TICRR: variants seen among roughly 807,000 people sequenced by gnomAD.
TICRR encodes TOPBP1 interacting checkpoint and replication regulator, also known as treslin.
A neutral mutation model predicts 178.1 loss-of-function variants in TICRR; 132 were observed. The ratio of observed to expected loss-of-function variants is 0.74; its 90% CI spans 0.64 to 0.86. The LOEUF (loss-of-function observed/expected upper bound fraction) is 0.86, where lower values mean the gene tolerates loss of function less well. Ranked by LOEUF, TICRR falls within the 40% of genes least tolerant of loss-of-function variation. TICRR has a pLI of 0.00. For missense variants in TICRR, 2,587 were observed against 2,334.3 expected (o/e 1.11, Z -2.23); for synonymous variants, 991 against 900.7 (o/e 1.10, Z -1.79).
chr15:89,610,464 T>G (rs62023135), intron 15 of TICRR, among the ~76,000 whole-genome samples: 15 of 152,222 alleles, frequency 9.9e-5, no homozygotes, highest in Non-Finnish European at 1.8e-4. Context: ...TAATGTACTT[T>G]GTGTTTTGTA....
At chr15:89,611,612 T>C (rs985998653) in intron 15 of TICRR, among the ~76,000 whole-genome samples, 3 of 152,184 alleles carry the variant, frequency 2.0e-5, no homozygotes, top group Admixed American at 6.5e-5. Context: ...CCATGATATA[T>C]GTGTTGGTAC....
intron 1 of TICRR, among the ~76,000 whole-genome samples, chr15:89,580,613 G>T (rs1054497380): frequency 6.6e-6 from 1 of 152,184 alleles, no homozygotes; most frequent in Non-Finnish European, 1.5e-5. Flanking sequence ...AAGATAATGT[G>T]CTCCAATACA....
Position 89,625,267 on chromosome 15 carries a change from C to T in TICRR, c.4957C>T (p.Pro1653Ser), listed in dbSNP as rs1444484716. The T allele has an allele frequency of 5.6e-6, 9 of 1,613,506 alleles. No homozygotes were observed. Among genetic ancestry groups the T allele is most frequent in the Non-Finnish European group, 7.6e-6 (9 of 1,179,592 alleles). Residue 1653 changes from proline (P) to serine (S), a missense_variant, in exon 20 of 22, where the codon CCT (proline) becomes TCT (serine). Transcript: ENST00000268138. The part of the protein sequence containing the change: ...ICQACTPTHG[P>S]SSTPSPFQTD... ...CCAGGCCTGTACCCCCACCCACGGC[C>T]CTTCTAGTACCCCCTCTCCATTTCA...
intron 17 of TICRR, among the ~76,000 whole-genome samples, 162 bp from the exon 18 acceptor site, chr15:89,619,544 CTT>C (rs1241754004): frequency 6.6e-6 from 1 of 152,102 alleles, no homozygotes; most frequent in Non-Finnish European, 1.5e-5. Context: ...TCAAACCCCT[CTT>C]AGTTTGTTAA....
intron 14 of TICRR, among the ~76,000 whole-genome samples, chr15:89,608,136 T>C (rs1419260552): frequency 3.3e-5 from 5 of 152,188 alleles, no homozygotes. Flanking sequence ...CATCTTACAT[T>C]GAGTAGCTTC....
intron 7 of TICRR, among the ~76,000 whole-genome samples, chr15:89,598,383 A>G (rs575436076): frequency 1.4e-5 from 2 of 143,028 alleles, no homozygotes; most frequent in Non-Finnish European, 3.1e-5. Context: ...TTGTTTTGAG[A>G]CGGAGTTTCA....
chr15:89,601,952 G>A lies in TICRR; in HGVS notation c.2543G>A (p.Arg848His), dbSNP rs201017259. The change falls in exon 12 of 22, where the codon CGT becomes CAT. Residue 848 changes from arginine (R) to histidine (H), a missense_variant. Transcript: ENST00000268138. ...GAATCTGATGAACTGCAGGAACTTC[G>A]TACCAGATCAGCCAAGAAGAGAAGG... ...SPESDELQEL[R>H]TRSAKKRRKN... is the part of the protein sequence containing the mutation. The A allele has an allele frequency of 5.4e-5, 87 of 1,614,116 alleles. No homozygotes were observed. The East Asian group carries it at 1.0e-3, about 19-fold the overall frequency.
At chr15:89,606,939 G>A in intron 14 of TICRR, 114 bp downstream of exon 14, 1 of 798,370 alleles carries the variant, frequency 1.3e-6, no homozygotes, top group Non-Finnish European at 2.0e-6. Flanking sequence ...ATGATTGTTG[G>A]CTAATAAAAT....
At chr15:89,626,805 A>C in intron 21 of TICRR, 151 bp from the exon 22 acceptor site, 12 of 795,238 alleles carry the variant, frequency 1.5e-5, no homozygotes, top group Non-Finnish European at 2.2e-5. Flanking sequence ...TAAAAAGTGT[A>C]GGTACCATTT....
chr15:89,603,153 A>C (rs1411573303), intron 13 of TICRR, among the ~76,000 whole-genome samples: 1 of 152,208 alleles, frequency 6.6e-6, no homozygotes, highest in African/African-American at 2.4e-5. Flanking sequence ...AAAATCTTTA[A>C]TGTAGATAGG....
chr15:89,594,478 T>C lies in TICRR; in HGVS notation c.1605T>C (p.His535=). 1 of 1,612,774 alleles carries C rather than the reference T, an allele frequency of 6.2e-7. No homozygotes were observed. Among genetic ancestry groups the C allele is most frequent in the Non-Finnish European group, 8.5e-7 (1 of 1,179,464 alleles). ...ESSKTEGELI[H]CLAELYQRKS... ...CCAAAACTGAAGGCGAATTAATACA[T>C]TGCCTTGCCGAGCTCTACCAGAGAA... The change falls in exon 6 of 22, where the codon CAT becomes CAC. Residue 535 remains histidine (H), a synonymous_variant. Transcript: ENST00000268138.
intron 15 of TICRR, among the ~76,000 whole-genome samples, chr15:89,609,263 A>G (rs553728825): frequency 1.3e-5 from 2 of 151,294 alleles, no homozygotes; most frequent in African/African-American, 4.9e-5. Context: ...GATGTACACT[A>G]CCACACCCAG....
At chr15:89,583,061 C>A in intron 2 of TICRR, 96 bp downstream of exon 2, 1 of 1,278,384 alleles carries the variant, frequency 7.8e-7, no homozygotes, top group Non-Finnish European at 1.1e-6. Context: ...TTTCTCACAG[C>A]CCAGGCACTC....
rs767255970 is a variant in TICRR, at chr15:89,624,382, C to G, written c.4072C>G (p.Pro1358Ala). Residue 1358 changes from proline (P) to alanine (A), a missense_variant, in exon 20 of 22, where the codon CCC (proline) becomes GCC (alanine). Coordinates refer to ENST00000268138, the MANE Select transcript of TICRR (RefSeq NM_152259.4). ...SVAASLSCPVPSTPPELSQRA... is the reference protein window; with the variant it reads ...SVAASLSCPVASTPPELSQRA... ...AGCTGCATCTCTCTCCTGCCCTGTTCCCTCAACTCCCCCTGAACTCTCACA... is the reference window on the plus strand; with the variant it reads ...AGCTGCATCTCTCTCCTGCCCTGTTGCCTCAACTCCCCCTGAACTCTCACA... 3 of 1,614,112 alleles carry G rather than the reference C, an allele frequency of 1.9e-6. No individual in the cohort carries two copies. The highest frequency in any genetic ancestry group is 2.5e-6 in the Non-Finnish European group (3 of 1,179,988).
chr15:89,616,335 C>A, intron 15 of TICRR, 70 bp from the exon 16 acceptor site: 1 of 1,340,324 alleles, frequency 7.5e-7, no homozygotes, highest in Non-Finnish European at 1.1e-6. Flanking sequence ...CAAACTGCTC[C>A]CTTGGCCTTA....
At position 89,584,461 on chromosome 15, in the gene TICRR, C is replaced by G; in HGVS notation, c.1110C>G (p.Ser370Arg). Residue 370 changes from serine (S) to arginine (R), a missense_variant, in exon 3 of 22, where the codon AGC (serine) becomes AGG (arginine). Physicochemically the swap from Ser to Arg is moderately radical, Grantham distance 110. Coordinates refer to ENST00000268138, the MANE Select transcript of TICRR (RefSeq NM_152259.4). ...DSWMLGSPEE[S>R]TATQRLLFQQ... ...GGATGCTAGGAAGTCCAGAGGAGAG[C>G]ACAGCAACTCAAAGGCTGTTATTTC... The G allele has an allele frequency of 6.2e-7, 1 of 1,610,688 alleles. No individual in the cohort carries two copies. Among genetic ancestry groups the G allele is most frequent in the Non-Finnish European group, 8.5e-7 (1 of 1,178,262 alleles).
chr15:89,595,490 G>A lies in TICRR; in HGVS notation c.1779G>A (p.Lys593=), dbSNP rs1962982449. ...CAAGGCTGAATGTGAAGGCCCAGAA[G>A]TTACATCCAGATGGCAGTCCGGATG... The part of the protein sequence containing the change: ...NVARLNVKAQ[K]LHPDGSPDVA... The change falls in exon 7 of 22, where the codon AAG becomes AAA. Residue 593 remains lysine, a synonymous_variant. Coordinates refer to ENST00000268138, the MANE Select transcript of TICRR (RefSeq NM_152259.4). 2.5e-6 allele frequency: 4 copies of A among 1,614,126 alleles called. No homozygotes were observed. The South Asian group carries it at 3.3e-5, about 13-fold the overall frequency.
At chr15:89,614,996 G>A (rs1009746021) in intron 15 of TICRR, among the ~76,000 whole-genome samples, 18 of 152,102 alleles carry the variant, frequency 1.2e-4, no homozygotes, top group African/African-American at 3.9e-4. Flanking sequence ...GTCTATCCTC[G>A]GCACATGCAC....
rs1164105533 is a variant in TICRR at position 89,606,760 on chromosome 15, T to C, written c.2665-8T>C. ...TAAATTTTCTTTCTGGATTTTCTCATGTTTCAGGAGAACTCTCACCCTGCT... is the reference window on the plus strand; with the variant it reads ...TAAATTTTCTTTCTGGATTTTCTCACGTTTCAGGAGAACTCTCACCCTGCT... On this transcript the variant is annotated splice_region_variant and splice_polypyrimidine_tract_variant and intron_variant, in intron 13 of 21. Transcript: ENST00000268138. The C allele has an allele frequency of 1.9e-6, 3 of 1,613,392 alleles. No individual in the cohort carries two copies. The highest frequency in any genetic ancestry group is 8.5e-7 in the Non-Finnish European group (1 of 1,179,544).
Sources: allele counts gnomAD v4.1 joint callset (sites outside exome capture counted in the v4.1 genomes callset), GRCh38; gene constraint gnomAD v4.1.1; transcripts MANE v1.5; gene names NCBI Gene and HGNC (gene_info 2026-07-23, HGNC 2026-07-21).